The following RPS6KB1 variants were observed in gnomAD, a reference collection of about 807,000 sequenced individuals.
The protein encoded by RPS6KB1 is ribosomal protein S6 kinase B1.
RPS6KB1 carries 12 observed loss-of-function variants against 70.2 expected under a neutral mutation model. That is an observed-to-expected ratio of 0.17 (90% CI 0.11 to 0.28). The LOEUF (loss-of-function observed/expected upper bound fraction) is 0.28, where lower values mean the gene tolerates loss of function less well. Among genes scored for constraint, RPS6KB1 ranks in the 10% least tolerant of loss-of-function variants. The pLI is 1.00. For missense variants in RPS6KB1, 270 were observed against 646.6 expected (o/e 0.42, Z 6.32); for synonymous variants, 175 against 211.2 (o/e 0.83, Z 1.49).
In RPS6KB1 at chr17:59,947,050, G is replaced by A; in HGVS notation, c.*262G>A. The A allele has an allele frequency of 7.8e-7, 1 of 1,289,804 alleles. No individual in the cohort carries two copies. Among genetic ancestry groups the A allele is most frequent in the Non-Finnish European group, 9.9e-7 (1 of 1,011,182 alleles). 79.9% of individuals were successfully genotyped at this position (1,289,804 alleles called of 1,614,324 possible). ...CGCGACATCTTCTCAACCTTATCAAGGATTTTCATGTTGATGACTCGAAAC... is the reference window on the plus strand; with the variant it reads ...CGCGACATCTTCTCAACCTTATCAAAGATTTTCATGTTGATGACTCGAAAC... On this transcript the variant is annotated 3_prime_UTR_variant, in exon 15 of 15. Transcript: ENST00000225577.
At chr17:59,925,579 C>G (rs1014805123) in intron 4 of RPS6KB1, among the ~76,000 whole-genome samples, 1 of 151,910 alleles carries the variant, frequency 6.6e-6, no homozygotes, top group African/African-American at 2.4e-5. Flanking sequence ...TTTCCTAATA[C>G]TCCCTACTGC....
rs1418795069 is a variant in RPS6KB1, at chr17:59,946,897, A to G, written c.*109A>G. ...ATGACAGTTTCAGAGAGTCAATGTC[A>G]TTACATAGAACACTTCAGACACAGG... On this transcript the variant is annotated 3_prime_UTR_variant, in exon 15 of 15. Transcript: ENST00000225577. This position sits in a 1 kb window ranked among gnomAD's most constrained non-coding sequence, Gnocchi z 4.2. The G allele has an allele frequency of 6.4e-7, 1 of 1,562,820 alleles. No homozygotes were observed. The highest frequency in any genetic ancestry group is 8.7e-7 in the Non-Finnish European group (1 of 1,153,124).
At chr17:59,932,671 C>G (rs1433224291) in intron 7 of RPS6KB1, among the ~76,000 whole-genome samples, 1 of 151,776 alleles carries the variant, frequency 6.6e-6, no homozygotes, top group African/African-American at 2.4e-5. Context: ...TCCACCCCGG[C>G]CCCTCAAGTA....
intron 4 of RPS6KB1, among the ~76,000 whole-genome samples, chr17:59,922,247 G>C (rs2043308846): frequency 6.6e-6 from 1 of 151,906 alleles, no homozygotes; most frequent in Non-Finnish European, 1.5e-5. Context: ...CACCATGTTG[G>C]CCAGGCTGGT....
At chr17:59,925,351 AT>A (rs1042557355) in intron 4 of RPS6KB1, among the ~76,000 whole-genome samples, 1 of 152,094 alleles carries the variant, frequency 6.6e-6, no homozygotes, top group African/African-American at 2.4e-5. Flanking sequence ...ACAGGGCATC[AT>A]TTTCCCAAAA....
Position 59,901,240 on chromosome 17 carries a change from C to G in RPS6KB1, c.141+7915C>G, listed in dbSNP as rs995316763. ...TCTCGGCTCACTGCAAGCTCCGCCT[C>G]CCAGGTTCACGCCATTCTCCTGCCT... On this transcript the variant is annotated intron_variant, in intron 1 of 14. Transcript: ENST00000225577. Among the ~76,000 whole-genome samples the G allele has an allele frequency of 7.9e-5, 12 of 151,232 alleles. No individual in the cohort carries two copies. In the East Asian group the frequency reaches 1.9e-3, roughly 23 times the overall value.
In RPS6KB1 at chr17:59,893,696, C is replaced by T; in HGVS notation, c.141+371C>T. ...TTGCTGGGTGTCCCGTAAGTGCAGG[C>T]GAAGTGTGGAGGGTTTCCCTTCGAG... On this transcript the variant is annotated intron_variant, in intron 1 of 14. Transcript: ENST00000225577. The surrounding 1 kb of genome is among the most constrained non-coding windows in gnomAD (Gnocchi z 4.1). The T allele has an allele frequency of 1.2e-6, 1 of 841,418 alleles. No individual in the cohort carries two copies. The highest frequency in any genetic ancestry group is 1.5e-6 in the Non-Finnish European group (1 of 684,314). 52.1% of individuals were successfully genotyped at this position (841,418 alleles called of 1,614,324 possible). A position where few individuals can be genotyped will look rare whatever the true frequency, so the allele number is the denominator to read the frequency against.
intron 4 of RPS6KB1, among the ~76,000 whole-genome samples, chr17:59,918,671 C>T (rs772755941): frequency 5.9e-5 from 9 of 152,000 alleles, no homozygotes; most frequent in Middle Eastern, 3.2e-3. Context: ...CGCCCAGCCT[C>T]TCTGAGAGTT....
chr17:59,928,333 A>G (rs2043742627), intron 5 of RPS6KB1, among the ~76,000 whole-genome samples: 1 of 151,960 alleles, frequency 6.6e-6, no homozygotes. Flanking sequence ...AGTGTTACAG[A>G]CATGATTTCC....
At chr17:59,932,932 G>A (rs2044014526) in intron 7 of RPS6KB1, among the ~76,000 whole-genome samples, 1 of 152,124 alleles carries the variant, frequency 6.6e-6, no homozygotes, top group South Asian at 2.1e-4. Flanking sequence ...TACAACTATA[G>A]ATATAGCACA....
intron 13 of RPS6KB1, among the ~76,000 whole-genome samples, chr17:59,942,048 C>CG (rs1224198041): frequency 2.0e-5 from 3 of 151,924 alleles, no homozygotes; most frequent in Non-Finnish European, 2.9e-5. Context: ...GTAGTAGAGA[C>CG]GGGGTTTCAT....
intron 7 of RPS6KB1, among the ~76,000 whole-genome samples, chr17:59,933,580 T>C (rs1265312608): frequency 6.6e-6 from 1 of 152,180 alleles, no homozygotes; most frequent in Non-Finnish European, 1.5e-5. Flanking sequence ...GAAATGATCT[T>C]TGTGTAAGGT....
At chr17:59,900,888 G>A (rs1026886796) in intron 1 of RPS6KB1, among the ~76,000 whole-genome samples, 5 of 151,662 alleles carry the variant, frequency 3.3e-5, no homozygotes, top group Admixed American at 6.6e-5. Context: ...TCGGCCGGGC[G>A]CAGTGGCTCA....
intron 1 of RPS6KB1, among the ~76,000 whole-genome samples, chr17:59,895,198 T>G (rs1368990896): frequency 1.3e-5 from 2 of 150,616 alleles, no homozygotes; most frequent in African/African-American, 4.9e-5. Flanking sequence ...TTTTTTGTAT[T>G]TTTAGTAGAG....
At chr17:59,931,963 T>G (rs542726058) in intron 7 of RPS6KB1, among the ~76,000 whole-genome samples, 1 of 152,336 alleles carries the variant, frequency 6.6e-6, no homozygotes, top group East Asian at 1.9e-4. Flanking sequence ...ATCCTTACTC[T>G]TTATAGTTTT....
At chr17:59,936,406 T>G in intron 11 of RPS6KB1, 58 bp from the exon 12 acceptor site, 1 of 1,554,612 alleles carries the variant, frequency 6.4e-7, no homozygotes, top group South Asian at 1.1e-5. Flanking sequence ...GGTGATTAAT[T>G]TATCAATCCA....
chr17:59,903,575 AT>A (rs2144712547), intron 1 of RPS6KB1, among the ~76,000 whole-genome samples: 1 of 152,268 alleles, frequency 6.6e-6, no homozygotes, highest in African/African-American at 2.4e-5. Context: ...ATTGGAGTAG[AT>A]TTGCTGGGTC....
In RPS6KB1 at chr17:59,947,199, A is replaced by G. The variant is rs1277124073; in HGVS notation, c.*411A>G. ...CTATAATACTTGCAACTAAGGACAA[A>G]TTAGCATGCAAGCTTGGTCAAACTT... On this transcript the variant is annotated 3_prime_UTR_variant, in exon 15 of 15. Transcript: ENST00000225577. 1 of 1,033,724 alleles carries G rather than the reference A, an allele frequency of 9.7e-7. No individual in the cohort carries two copies. Among genetic ancestry groups the G allele is most frequent in the Non-Finnish European group, 1.2e-6 (1 of 861,210 alleles). 64.0% of individuals were successfully genotyped at this position (1,033,724 alleles called of 1,614,324 possible). A position where few individuals can be genotyped will look rare whatever the true frequency, so the allele number is the denominator to read the frequency against.
chr17:59,911,519 C>G (rs61041805), intron 2 of RPS6KB1, among the ~76,000 whole-genome samples: 3 of 147,348 alleles, frequency 2.0e-5, no homozygotes, highest in Non-Finnish European at 4.4e-5. Context: ...CACCACCACA[C>G]CTGGCTAATT....
Sources: allele counts gnomAD v4.1 joint callset (sites outside exome capture counted in the v4.1 genomes callset), GRCh38; gene constraint gnomAD v4.1.1; non-coding constraint Gnocchi (gnomAD v3.1); transcripts MANE v1.5; gene names NCBI Gene and HGNC (gene_info 2026-07-23, HGNC 2026-07-21).